LUZP2: variants seen among roughly 807,000 people sequenced by gnomAD.
The protein encoded by LUZP2 is leucine zipper protein 2.
LUZP2 carries 52 observed loss-of-function variants against 51.6 expected under a neutral mutation model. That is an observed-to-expected ratio of 1.01 (90% CI 0.81 to 1.27). The LOEUF is 1.27. Among genes scored for constraint, LUZP2 ranks in the 50% most tolerant of loss-of-function variants. The pLI, the probability that LUZP2 is intolerant of heterozygous loss-of-function variation, is 0.00. For missense variants in LUZP2, 436 were observed against 395.4 expected, an observed-to-expected ratio of 1.10 and a Z score of -0.87; for synonymous variants, 154 against 137.3, an observed-to-expected ratio of 1.12 and a Z score of -0.85.
intron 9 of LUZP2, among the ~76,000 whole-genome samples, chr11:25,009,854 C>G (rs572509496): frequency 8.6e-4 from 131 of 152,288 alleles, no homozygotes; most frequent in African/African-American, 3.1e-3. Flanking sequence ...GCAGTTAGTA[C>G]TACTCCTTGT....
intron 5 of LUZP2, among the ~76,000 whole-genome samples, chr11:24,857,274 T>G (rs1205928938): frequency 3.9e-4 from 6 of 15,356 alleles, no homozygotes; most frequent in Admixed American, 1.2e-3. Flanking sequence ...TTCATGGGGA[T>G]ATATATATAT....
intron 1 of LUZP2, among the ~76,000 whole-genome samples, chr11:24,588,726 G>T (rs1853158314): frequency 6.6e-6 from 1 of 151,828 alleles, no homozygotes; most frequent in African/African-American, 2.4e-5. Context: ...GGGAGTCTAG[G>T]CCCTCCTTAA....
chr11:24,576,134 C>G (rs942026053), intron 1 of LUZP2, among the ~76,000 whole-genome samples: 5 of 151,986 alleles, frequency 3.3e-5, no homozygotes, highest in African/African-American at 1.2e-4. Flanking sequence ...AAATGGACAC[C>G]TGGCATGGTG....
At chr11:24,895,779 A>C (rs1048083820) in intron 5 of LUZP2, among the ~76,000 whole-genome samples, 5 of 152,164 alleles carry the variant, frequency 3.3e-5, no homozygotes, top group Non-Finnish European at 7.3e-5. Context: ...TGTCTTTGCT[A>C]ATGTGGGGCA....
chr11:25,049,901 C>G (rs1858437293), intron 9 of LUZP2, 137 bp from the exon 10 acceptor site: 3 of 405,800 alleles, frequency 7.4e-6, no homozygotes, highest in Non-Finnish European at 1.3e-5. Context: ...TTTCCATTTT[C>G]TTGTTTTATT....
rs920159754 is a variant in LUZP2, at chr11:24,611,843, C to G, written c.62+114538C>G. Among the ~76,000 whole-genome samples, 5 of 152,116 alleles carry G rather than the reference C, an allele frequency of 3.3e-5. No homozygotes were observed. The highest frequency in any genetic ancestry group is 1.3e-4 in the Admixed American group (2 of 15,270). On this transcript the variant is annotated intron_variant, in intron 1 of 11. Transcript: ENST00000336930. This position sits in a 1 kb window ranked among gnomAD's most constrained non-coding sequence, Gnocchi z 4.6. ...TTATATAAACTGACTCTCACAGGAG[C>G]ATGACATATCTAGGAACTGGTTGGA...
chr11:25,045,104 GC>G (rs1297394630), intron 9 of LUZP2, among the ~76,000 whole-genome samples: 2 of 149,264 alleles, frequency 1.3e-5, no homozygotes, highest in Non-Finnish European at 3.0e-5. Flanking sequence ...TATACCTAAT[GC>G]TAAATGACGA....
chr11:24,714,682 T>G (rs998939823), intron 1 of LUZP2, among the ~76,000 whole-genome samples: 1 of 152,206 alleles, frequency 6.6e-6, no homozygotes, highest in African/African-American at 2.4e-5. Flanking sequence ...TGCAGCAGAA[T>G]TTTGACATGC....
At chr11:24,695,400 G>A (rs1008762470) in intron 1 of LUZP2, among the ~76,000 whole-genome samples, 2 of 152,016 alleles carry the variant, frequency 1.3e-5, no homozygotes, top group African/African-American at 2.4e-5. Context: ...TGTATACATT[G>A]TGTAATGATA....
intron 1 of LUZP2, among the ~76,000 whole-genome samples, chr11:24,527,935 G>C (rs963525749): frequency 6.6e-6 from 1 of 151,194 alleles, no homozygotes; most frequent in Non-Finnish European, 1.5e-5. Flanking sequence ...TTGGTTTTGT[G>C]ACCATAGACA....
chr11:24,657,942 A>G (rs1169749898), intron 1 of LUZP2, among the ~76,000 whole-genome samples: 1 of 152,210 alleles, frequency 6.6e-6, no homozygotes, highest in African/African-American at 2.4e-5. Context: ...AACAAATGGA[A>G]GACCATTCCA....
intron 5 of LUZP2, among the ~76,000 whole-genome samples, chr11:24,881,176 A>C (rs1182330007): frequency 1.3e-5 from 2 of 152,166 alleles, no homozygotes; most frequent in South Asian, 2.1e-4. Flanking sequence ...AGTTTATTTC[A>C]AGTTTTAACA....
rs149429514 is a variant in LUZP2, at chr11:24,834,320, C to T, written c.396+71012C>T. ...TCCACGTGTTCTCATTTTTCAATTCCCACTTGTGAGTGAGAACATGCAATG... is the reference window on the plus strand; with the variant it reads ...TCCACGTGTTCTCATTTTTCAATTCTCACTTGTGAGTGAGAACATGCAATG... On this transcript the variant is annotated intron_variant, in intron 5 of 11. Transcript: ENST00000336930. Among the ~76,000 whole-genome samples, 314 of 152,236 alleles carry T rather than the reference C, an allele frequency of 2.1e-3. 2 individuals are homozygous for T. In the East Asian group the frequency reaches 0.032, roughly 15 times the overall value.
At chr11:24,978,866 T>A (rs1415550981) in intron 8 of LUZP2, among the ~76,000 whole-genome samples, 1 of 151,686 alleles carries the variant, frequency 6.6e-6, no homozygotes, top group African/African-American at 2.4e-5. Context: ...CCTCCATCTT[T>A]AGTTGTACAT....
At chr11:24,765,651 G>A (rs11028150) in intron 5 of LUZP2, among the ~76,000 whole-genome samples, 17,822 of 140,002 alleles carry the variant, frequency 0.13, 1,358 homozygotes, top group East Asian at 0.43. Context: ...TTTTTGAGAC[G>A]GAGTCTCACT....
chr11:24,984,540 ATATATATAT>A (rs1856134259), intron 9 of LUZP2, among the ~76,000 whole-genome samples: 2 of 95,904 alleles, frequency 2.1e-5, no homozygotes, highest in Non-Finnish European at 1.9e-5. Context: ...ATATATATAT[ATATATATAT>A]AATTGTGAAT....
At chr11:24,926,700 G>A (rs770754478) in intron 7 of LUZP2, among the ~76,000 whole-genome samples, 16 of 149,132 alleles carry the variant, frequency 1.1e-4, no homozygotes, top group Non-Finnish European at 2.2e-4. Context: ...TGCTATAAAC[G>A]TGTGTGCAAG....
chr11:24,972,421 T>C (rs1283858770), intron 7 of LUZP2, among the ~76,000 whole-genome samples: 1 of 152,086 alleles, frequency 6.6e-6, no homozygotes, highest in Non-Finnish European at 1.5e-5. Flanking sequence ...ATTATTCATC[T>C]TTAAAGAAGA....
chr11:24,672,621 C>G (rs1019266792), intron 1 of LUZP2, among the ~76,000 whole-genome samples: 1 of 152,148 alleles, frequency 6.6e-6, no homozygotes, highest in African/African-American at 2.4e-5. Context: ...GAAATATGGT[C>G]ATGCATCTTT....
Sources: gnomAD v4.1 joint callset for allele counts (sites outside exome capture counted in the v4.1 genomes callset) on GRCh38, gnomAD v4.1.1 for gene constraint, Gnocchi (gnomAD v3.1) non-coding constraint, MANE v1.5 for transcripts, NCBI Gene and HGNC (gene_info 2026-07-23, HGNC 2026-07-21) for gene names.